Variants in FGF9 observed in about 807,000 individuals in gnomAD.
FGF9 encodes fibroblast growth factor 9 (glia-activating factor).
Under a neutral mutation model 19.9 loss-of-function variants are expected in FGF9, and 3 were observed. That is an observed-to-expected ratio of 0.15 (90% CI 0.07 to 0.39). The LOEUF is 0.39. Ranked by LOEUF, FGF9 falls within the 10% of genes least tolerant of loss-of-function variation. FGF9 has a pLI of 1.00. For missense variants in FGF9, 175 were observed against 256.8 expected (o/e 0.68, Z 2.18); for synonymous variants, 107 against 106.9 (o/e 1.00, Z -0.01).
intron 2 of FGF9, among the ~76,000 whole-genome samples, chr13:21,684,668 G>A (rs919519590): frequency 1.3e-5 from 2 of 152,218 alleles, no homozygotes; most frequent in Admixed American, 6.5e-5. Flanking sequence ...TATCTGCTAC[G>A]AAGTAGGCAC....
At chr13:21,689,482 A>G (rs1872238941) in intron 2 of FGF9, among the ~76,000 whole-genome samples, 1 of 151,942 alleles carries the variant, frequency 6.6e-6, no homozygotes, top group Admixed American at 6.6e-5. Flanking sequence ...TGGACTAGGC[A>G]GACCCTAGTT....
Position 21,703,227 on chromosome 13 carries a change from C to G in FGF9, c.*1792C>G, listed in dbSNP as rs1035884736. The G allele has an allele frequency of 6.6e-6, 1 of 152,280 alleles. No individual in the cohort carries two copies. The highest frequency in any genetic ancestry group is 2.1e-4 in the South Asian group (1 of 4,818). The allele number at this position is 152,280 out of a possible 1,614,324, so 9.4% of individuals were successfully genotyped here. On this transcript the variant is annotated 3_prime_UTR_variant, in exon 3 of 3. Coordinates refer to ENST00000382353, the MANE Select transcript of FGF9 (RefSeq NM_002010.3). Reference sequence around the variant, plus strand: ...TGAACTAATTTTAAAATTTACTATTCAAACTTTATTTTGCTCTGATGCACA... The same window carrying G: ...TGAACTAATTTTAAAATTTACTATTGAAACTTTATTTTGCTCTGATGCACA...
At chr13:21,689,140 C>T (rs1401742852) in intron 2 of FGF9, among the ~76,000 whole-genome samples, 6 of 152,268 alleles carry the variant, frequency 3.9e-5, no homozygotes, top group African/African-American at 9.6e-5. Context: ...ATGAGCCCAA[C>T]GCCCCTCTTT....
chr13:21,679,650 A>G (rs1469157622), intron 1 of FGF9, among the ~76,000 whole-genome samples: 1 of 152,036 alleles, frequency 6.6e-6, no homozygotes. Flanking sequence ...TAATATTAGC[A>G]GTGTCCAGAC....
intron 1 of FGF9, among the ~76,000 whole-genome samples, chr13:21,679,418 T>C (rs1350986772): frequency 6.6e-6 from 1 of 152,206 alleles, no homozygotes; most frequent in African/African-American, 2.4e-5. Flanking sequence ...GAATTAATTG[T>C]TGAAAAATTC....
intron 2 of FGF9, among the ~76,000 whole-genome samples, chr13:21,687,200 A>C (rs1872181711): frequency 1.3e-5 from 2 of 152,182 alleles, no homozygotes; most frequent in South Asian, 4.1e-4. Context: ...GCAGACACAC[A>C]TGAGTCAAAG....
chr13:21,677,787 C>G (rs1030988870), intron 1 of FGF9, among the ~76,000 whole-genome samples: 1 of 152,188 alleles, frequency 6.6e-6, no homozygotes, highest in Non-Finnish European at 1.5e-5. Flanking sequence ...TTTTAAGGAA[C>G]TGCGGAGAAA....
chr13:21,683,859 G>A (rs1480314558), intron 2 of FGF9, among the ~76,000 whole-genome samples: 3 of 152,214 alleles, frequency 2.0e-5, no homozygotes, highest in African/African-American at 7.2e-5. Flanking sequence ...TGTCACTTGT[G>A]CACAGAGATC....
rs1457748860 is a variant in FGF9 at position 21,671,241 on chromosome 13, TC to T, written c.-671del. 1 of 231,170 alleles carries T rather than the reference TC, an allele frequency of 4.3e-6. No homozygotes were observed. The highest frequency in any genetic ancestry group is 2.2e-5 in the African/African-American group (1 of 44,564). The allele number at this position is 231,170 out of a possible 1,614,324, so 14.3% of individuals were successfully genotyped here. On this transcript the variant is annotated 5_prime_UTR_variant, in exon 1 of 3. The change creates a premature stop within an existing upstream ORF in the 5' untranslated region. Transcript: ENST00000382353. ...GCCACCCGTTCTAAGCCAATGGACA[TC>T]TGCCGAGCCTCTGGAGAATCCTGGA...
intron 1 of FGF9, among the ~76,000 whole-genome samples, chr13:21,675,641 C>G (rs1169157889): frequency 6.6e-6 from 1 of 152,220 alleles, no homozygotes; most frequent in Non-Finnish European, 1.5e-5. Context: ...AGTTCGTCCT[C>G]ACACTCAGTT....
At chr13:21,697,370 C>T (rs1872432653) in intron 2 of FGF9, among the ~76,000 whole-genome samples, 2 of 152,104 alleles carry the variant, frequency 1.3e-5, no homozygotes, top group Admixed American at 1.3e-4. Flanking sequence ...TGGTCTTGAA[C>T]CCCTGGCCTC....
intron 2 of FGF9, among the ~76,000 whole-genome samples, chr13:21,683,733 C>T (rs567481542): frequency 2.0e-5 from 3 of 152,316 alleles, no homozygotes; most frequent in South Asian, 2.1e-4. Context: ...GACACTTTTC[C>T]GTATTATGCT....
intron 2 of FGF9, among the ~76,000 whole-genome samples, chr13:21,697,808 CTT>C (rs1270795107): frequency 8.7e-5 from 12 of 138,088 alleles, no homozygotes; most frequent in Middle Eastern, 3.8e-3. Flanking sequence ...ACATAGGACT[CTT>C]TTTTTTTTTT....
chr13:21,697,428 T>C (rs545236104), intron 2 of FGF9, among the ~76,000 whole-genome samples: 2 of 152,178 alleles, frequency 1.3e-5, no homozygotes, highest in Admixed American at 1.3e-4. Context: ...GTTACAGGCA[T>C]AAGCTGCTGT....
Position 21,672,245 on chromosome 13 carries a change from T to A in FGF9, c.277+56T>A. The A allele has an allele frequency of 6.2e-7, 1 of 1,600,252 alleles. No homozygotes were observed. Among genetic ancestry groups the A allele is most frequent in the Non-Finnish European group, 8.6e-7 (1 of 1,168,092 alleles). ...TGAGATGACATGTTGAAATTATAACTACCAAGAAGGTGGTGGCCGGGTGGG... is the reference window on the plus strand; with the variant it reads ...TGAGATGACATGTTGAAATTATAACAACCAAGAAGGTGGTGGCCGGGTGGG... On this transcript the variant is annotated intron_variant, in intron 1 of 2. Coordinates refer to ENST00000382353, the MANE Select transcript of FGF9 (RefSeq NM_002010.3). This position sits in a 1 kb window ranked among gnomAD's most constrained non-coding sequence, Gnocchi z 4.2.
chr13:21,672,307 T>C lies in FGF9; in HGVS notation c.277+118T>C, dbSNP rs781653481. The C allele has an allele frequency of 1.8e-5, 20 of 1,101,958 alleles. No homozygotes were observed. The highest frequency in any genetic ancestry group is 2.6e-5 in the Non-Finnish European group (19 of 729,520). The allele number at this position is 1,101,958 out of a possible 1,614,324, so 68.3% of individuals were successfully genotyped here. On this transcript the variant is annotated intron_variant, in intron 1 of 2. Transcript: ENST00000382353. This position sits in a 1 kb window ranked among gnomAD's most constrained non-coding sequence, Gnocchi z 4.2. ...GGGTTCTCCCCTCCTCCCCTCTTTC[T>C]CTGTATCTCTGTCTCTCTCTCTCTC... is the stretch of plus-strand genomic sequence containing the variant.
rs1470930026 is a variant in FGF9 at position 21,672,295 on chromosome 13, C to T, written c.277+106C>T. On this transcript the variant is annotated intron_variant, in intron 1 of 2. Transcript: ENST00000382353. The surrounding 1 kb of genome is among the most constrained non-coding windows in gnomAD (Gnocchi z 4.2). ...GGGACGTGGGAAGGGTTCTCCCCTC[C>T]TCCCCTCTTTCTCTGTATCTCTGTC... 1.1e-5 allele frequency: 14 copies of T among 1,219,976 alleles called. No individual in the cohort carries two copies. Among genetic ancestry groups the T allele is most frequent in the African/African-American group, 3.0e-5 (2 of 67,248 alleles). 75.6% of individuals were successfully genotyped at this position (1,219,976 alleles called of 1,614,324 possible). A position where few individuals can be genotyped will look rare whatever the true frequency, so the allele number is the denominator to read the frequency against.
intron 2 of FGF9, among the ~76,000 whole-genome samples, chr13:21,686,251 A>T (rs536281619): frequency 3.3e-5 from 5 of 152,250 alleles, no homozygotes; most frequent in Non-Finnish European, 5.9e-5. Flanking sequence ...CTGATCTTGA[A>T]TTCCTGACAT....
At chr13:21,674,208 T>C (rs951508579) in intron 1 of FGF9, 2 of 152,848 alleles carry the variant, frequency 1.3e-5, no homozygotes, top group East Asian at 1.9e-4. Context: ...GAGGACGGGC[T>C]GGAGGTCGGA....
Sources: gnomAD v4.1 joint callset for allele counts (sites outside exome capture counted in the v4.1 genomes callset) on GRCh38, gnomAD v4.1.1 for gene constraint, Gnocchi (gnomAD v3.1) non-coding constraint, MANE v1.5 for transcripts, NCBI Gene and HGNC (gene_info 2026-07-23, HGNC 2026-07-21) for gene names.